The following RELN variants were observed in gnomAD, a reference collection of about 807,000 sequenced individuals.
RELN encodes the protein reelin.
A neutral mutation model predicts 427.6 loss-of-function variants in RELN; 108 were observed. The observed-to-expected ratio is 0.25, with a 90% CI of 0.22 to 0.30. RELN has a LOEUF of 0.30. Ranked by LOEUF, RELN falls within the 10% of genes least tolerant of loss-of-function variation. The pLI, the probability that RELN is intolerant of heterozygous loss-of-function variation, is 1.00. For synonymous variants in RELN, 1,524 were observed against 1,513.4 expected (o/e 1.01, Z -0.16); for missense variants, 3,715 against 4,302.8 (o/e 0.86, Z 3.82).
chr7:103,623,411 A>C (rs921945138), intron 20 of RELN, among the ~76,000 whole-genome samples: 1 of 152,222 alleles, frequency 6.6e-6, no homozygotes, highest in African/African-American at 2.4e-5. Flanking sequence ...GTTTCGTGAA[A>C]GGAAAATCCT....
chr7:103,984,228 G>C (rs1299920246), intron 1 of RELN, among the ~76,000 whole-genome samples: 1 of 150,972 alleles, frequency 6.6e-6, no homozygotes, highest in Non-Finnish European at 1.5e-5. Flanking sequence ...AAATTTGAAA[G>C]TCAAAAATGC....
At chr7:103,907,063 A>G (rs1404006737) in intron 2 of RELN, among the ~76,000 whole-genome samples, 1 of 152,168 alleles carries the variant, frequency 6.6e-6, no homozygotes, top group Non-Finnish European at 1.5e-5. Context: ...TTATTCATCT[A>G]TAAAAAGAAG....
intron 3 of RELN, among the ~76,000 whole-genome samples, chr7:103,798,647 G>C (rs969342980): frequency 4.6e-5 from 7 of 152,118 alleles, no homozygotes; most frequent in Admixed American, 3.3e-4. Flanking sequence ...CAGCCAGGCA[G>C]ACCCAGGACC....
intron 2 of RELN, among the ~76,000 whole-genome samples, chr7:103,879,324 T>C (rs2237641): frequency 0.15 from 22,182 of 152,182 alleles, 1,835 homozygotes; most frequent in East Asian, 0.36. Context: ...ACCTTAATCA[T>C]ATTGCTACTG....
chr7:103,680,046 G>A (rs899314049), intron 11 of RELN, among the ~76,000 whole-genome samples: 2 of 152,126 alleles, frequency 1.3e-5, no homozygotes, highest in African/African-American at 4.8e-5. Context: ...TAAGAAGATG[G>A]GGGGCATTTT....
intron 61 of RELN, chr7:103,484,222 TTA>T (rs1562842342): frequency 4.0e-6 from 1 of 253,054 alleles, no homozygotes; most frequent in Non-Finnish European, 7.8e-6. Flanking sequence ...ATTAAAGGAA[TTA>T]TACTTCCTTA....
chr7:103,500,709 G>T, intron 53 of RELN, 36 bp downstream of exon 53: 1 of 1,607,006 alleles, frequency 6.2e-7, no homozygotes, highest in Non-Finnish European at 8.5e-7. Context: ...GACCCATGAT[G>T]TGAGTAATGC....
chr7:103,781,867 A>T (rs1447941433), intron 3 of RELN, among the ~76,000 whole-genome samples: 1 of 152,034 alleles, frequency 6.6e-6, no homozygotes, highest in Non-Finnish European at 1.5e-5. Context: ...CTCGGGGGGA[A>T]GGTCCATCAC....
In RELN at chr7:103,753,232, A is replaced by G; in HGVS notation, c.545-18T>C. ...TGTTGGAGCTGAATCAAGAGAGGAA[A>G]GAAGAAAGACAACTGATCAGGAATG... On this transcript the variant is annotated intron_variant, in intron 4 of 64. Coordinates refer to ENST00000428762, the MANE Select transcript of RELN (RefSeq NM_005045.4). 6.2e-7 allele frequency: 1 copy of G among 1,613,946 alleles called. No individual in the cohort carries two copies. The highest frequency in any genetic ancestry group is 1.3e-5 in the African/African-American group (1 of 75,050).
chr7:103,850,631 T>C (rs893727122), intron 2 of RELN, among the ~76,000 whole-genome samples: 10 of 152,174 alleles, frequency 6.6e-5, no homozygotes, highest in Non-Finnish European at 1.5e-4. Context: ...AAATCAGGCA[T>C]GCAGACTTCA....
At chr7:103,610,645 A>G in intron 22 of RELN, 50 bp downstream of exon 22, 1 of 916,350 alleles carries the variant, frequency 1.1e-6, no homozygotes, top group Non-Finnish European at 1.8e-6. Context: ...TTGAATCAAA[A>G]GGGATAGTCA....
At chr7:103,638,155 C>T (rs372758473) in intron 17 of RELN, among the ~76,000 whole-genome samples, 10 of 152,244 alleles carry the variant, frequency 6.6e-5, no homozygotes, top group South Asian at 4.1e-4. Flanking sequence ...GGGTATGACA[C>T]GAGGCTCTCC....
chr7:103,835,587 T>G (rs949753958), intron 2 of RELN, among the ~76,000 whole-genome samples: 2 of 152,184 alleles, frequency 1.3e-5, no homozygotes, highest in Non-Finnish European at 2.9e-5. Context: ...TTATTCAATT[T>G]TGCTGTGAAC....
Position 103,498,128 on chromosome 7 carries a change from C to T in RELN, c.8792G>A (p.Gly2931Glu), listed in dbSNP as rs1465519249. The T allele has an allele frequency of 9.9e-6, 16 of 1,614,066 alleles. No homozygotes were observed. Among genetic ancestry groups the T allele is most frequent in the Non-Finnish European group, 1.4e-5 (16 of 1,179,986 alleles). ...TGTAACCGCTTGTCTCACAGTGGAT[C>T]CCCCAAAATAGAGTGCAGTGTCCTC... The part of the protein sequence containing the change: ...LAEDTALYFG[G>E]STVRQAVTQD... Residue 2931 changes from glycine to glutamate, a missense_variant, in exon 54 of 65, where the codon GGA becomes GAA. Physicochemically the swap from Gly to Glu is moderately conservative, Grantham distance 98 (BLOSUM62 -2). This residue lies in a region of RELN where 1,310 missense variants were observed against 1,643.0 expected (regional missense o/e 0.80). Transcript: ENST00000428762.
chr7:103,494,365 T>TTGTGTGTGTGTGTGTGTGAGTGTGTG (rs1828762752), intron 57 of RELN, among the ~76,000 whole-genome samples: 1 of 118,256 alleles, frequency 8.5e-6, no homozygotes, highest in Admixed American at 8.6e-5. Flanking sequence ...GTAATGACTT[T>TTGTGTGTGTGTGTGTGTGAGTGTGTG]TGTGTGTGTG....
intron 20 of RELN, among the ~76,000 whole-genome samples, chr7:103,619,903 T>G (rs953205567): frequency 3.3e-5 from 5 of 152,142 alleles, no homozygotes; most frequent in Non-Finnish European, 5.9e-5. Flanking sequence ...TGTTTGTAGA[T>G]GAGTTGTCAG....
At chr7:103,723,592 C>T (rs1790131824) in intron 7 of RELN, among the ~76,000 whole-genome samples, 1 of 151,894 alleles carries the variant, frequency 6.6e-6, no homozygotes. Flanking sequence ...GGCTACCGAA[C>T]AAAAATTGGG....
At chr7:103,638,088 A>G (rs1832622459) in intron 17 of RELN, among the ~76,000 whole-genome samples, 1 of 152,208 alleles carries the variant, frequency 6.6e-6, no homozygotes, top group Non-Finnish European at 1.5e-5. Context: ...AAAAACAAAA[A>G]ACTTTGTAGT....
intron 4 of RELN, among the ~76,000 whole-genome samples, chr7:103,776,200 T>C (rs370958252): frequency 1.4e-4 from 21 of 152,266 alleles, no homozygotes; most frequent in East Asian, 7.7e-4. Flanking sequence ...TTAAAAGCAA[T>C]AATCAGAAAC....
Sources: allele counts gnomAD v4.1 joint callset (sites outside exome capture counted in the v4.1 genomes callset), GRCh38; gene constraint gnomAD v4.1.1; regional missense constraint gnomAD v4.1.1; transcripts MANE v1.5; gene names NCBI Gene and HGNC (gene_info 2026-07-23, HGNC 2026-07-21).